The following SMOC2 variants were observed in gnomAD, a reference collection of about 807,000 sequenced individuals.
SMOC2 encodes the protein SPARC related modular calcium binding 2, also known as SPARC-related modular calcium-binding protein 2.
A neutral mutation model predicts 61.4 loss-of-function variants in SMOC2; 39 were observed. The observed-to-expected ratio is 0.64, with a 90% CI of 0.49 to 0.83. The LOEUF is 0.83. SMOC2 is among the 40% of genes least tolerant of loss of function. The probability of loss-of-function intolerance (pLI) is 0.00; values close to 1 mark genes in which losing one functional copy is unlikely to be tolerated. For synonymous variants in SMOC2, 247 were observed against 239.9 expected (o/e 1.03, Z -0.27); for missense variants, 556 against 592.9 (o/e 0.94, Z 0.65).
intron 1 of SMOC2, among the ~76,000 whole-genome samples, chr6:168,474,777 G>T (rs1201729065): frequency 1.3e-5 from 2 of 152,106 alleles, no homozygotes; most frequent in African/African-American, 4.8e-5. Context: ...AGTTATTGCT[G>T]CTGATGTTCT....
At chr6:168,444,769 A>G (rs1024081467) in intron 1 of SMOC2, among the ~76,000 whole-genome samples, 1 of 152,200 alleles carries the variant, frequency 6.6e-6, no homozygotes, top group Non-Finnish European at 1.5e-5. Context: ...CAAAGAGCAA[A>G]CAGGCGTGAT....
At chr6:168,562,821 T>C (rs947811547) in intron 7 of SMOC2, among the ~76,000 whole-genome samples, 2 of 152,168 alleles carry the variant, frequency 1.3e-5, no homozygotes, top group African/African-American at 4.8e-5. Flanking sequence ...TTCCCGGTGA[T>C]CACGCAGGGA....
intron 4 of SMOC2, among the ~76,000 whole-genome samples, chr6:168,542,877 T>A (rs1783903203): frequency 6.6e-6 from 1 of 152,102 alleles, no homozygotes; most frequent in Admixed American, 6.6e-5. Context: ...CAAAAACAAA[T>A]AATTTCAAGT....
intron 2 of SMOC2, among the ~76,000 whole-genome samples, 168 bp from the exon 3 acceptor site, chr6:168,526,178 T>C (rs1009569289): frequency 1.3e-5 from 2 of 152,256 alleles, no homozygotes; most frequent in African/African-American, 4.8e-5. Context: ...CCTGCCCTTC[T>C]TCTGAGGCTC....
At position 168,553,317 on chromosome 6, in the gene SMOC2, C is replaced by T. The variant is rs2115112295; in HGVS notation, c.637+4114C>T. On this transcript the variant is annotated intron_variant, in intron 7 of 12. Coordinates refer to ENST00000356284, the MANE Select transcript of SMOC2 (RefSeq NM_001166412.2). The surrounding 1 kb of genome is among the most constrained non-coding windows in gnomAD (Gnocchi z 4.2). ...ATATAAAATTGTGTTACTTCTTTTA[C>T]TGTCTCAAATCATCTTTGTTTTATT... is the stretch of plus-strand genomic sequence containing the variant. Among the ~76,000 whole-genome samples the T allele has an allele frequency of 6.6e-6, 1 of 152,306 alleles. No individual in the cohort carries two copies. The highest frequency in any genetic ancestry group is 2.1e-4 in the South Asian group (1 of 4,826).
chr6:168,615,255 C>T (rs570609828), intron 9 of SMOC2, among the ~76,000 whole-genome samples: 3 of 94,360 alleles, frequency 3.2e-5, no homozygotes, highest in East Asian at 7.4e-4. Context: ...ACAGCCAGCA[C>T]GGGGCCTTTT....
At position 168,547,175 on chromosome 6, in the gene SMOC2, C is replaced by A. The variant is rs1784023367; in HGVS notation, c.562+6C>A. The stretch of plus-strand genomic sequence containing the variant: ...GCCTCAAGGAGATGAAGAAGGTGAG[C>A]CGGGGTGGGGATTGCACAGTCTGGG... On this transcript the variant is annotated splice_donor_region_variant and intron_variant, in intron 6 of 12. Transcript: ENST00000356284. 1.9e-6 allele frequency: 3 copies of A among 1,613,578 alleles called. No homozygotes were observed. In the African/African-American group the frequency reaches 4.0e-5, roughly 22 times the overall value.
chr6:168,454,154 G>A lies in SMOC2; in HGVS notation c.84+12700G>A, dbSNP rs75108952. Among the ~76,000 whole-genome samples the A allele has an allele frequency of 2.5e-3, 378 of 152,142 alleles. 4 individuals are homozygous for A. Among genetic ancestry groups the A allele is most frequent in the African/African-American group, 8.9e-3 (371 of 41,496 alleles). ...CTCCACCCAGTCCATGATGCCTGCA[G>A]GGGGTCACTCTGTGTCCTCCTGTGA... On this transcript the variant is annotated intron_variant, in intron 1 of 12. Coordinates refer to ENST00000356284, the MANE Select transcript of SMOC2 (RefSeq NM_001166412.2).
intron 9 of SMOC2, among the ~76,000 whole-genome samples, chr6:168,608,689 T>A (rs1260885352): frequency 5.3e-5 from 8 of 152,198 alleles, no homozygotes; most frequent in African/African-American, 1.9e-4. Flanking sequence ...ATGTATTGAG[T>A]TTAATTACAA....
rs780986307 is a variant in SMOC2, at chr6:168,641,877, A to G, written c.908-8804A>G. ...TTCATCAAAGCACTATCTAAAGCCT[A>G]TGGACCTCTTTGTCTAGAATAATGA... On this transcript the variant is annotated intron_variant, in intron 9 of 12. Transcript: ENST00000356284. Among the ~76,000 whole-genome samples, 50 of 152,248 alleles carry G rather than the reference A, an allele frequency of 3.3e-4. 1 individual carries two copies. Among genetic ancestry groups the G allele is most frequent in the Admixed American group, 5.2e-4 (8 of 15,282 alleles).
intron 9 of SMOC2, among the ~76,000 whole-genome samples, chr6:168,628,741 C>G (rs775660096): frequency 6.6e-6 from 1 of 152,258 alleles, no homozygotes; most frequent in Non-Finnish European, 1.5e-5. Context: ...GTGCTGAAGG[C>G]ACTACCTGCT....
At chr6:168,540,365 A>T (rs1231581298) in intron 4 of SMOC2, among the ~76,000 whole-genome samples, 6 of 152,238 alleles carry the variant, frequency 3.9e-5, no homozygotes, top group Non-Finnish European at 8.8e-5. Context: ...CTGCGTGTCC[A>T]GCAGAGCACG....
Position 168,553,846 on chromosome 6 carries a change from G to A in SMOC2, c.637+4643G>A, listed in dbSNP as rs1784183407. ...AATAATGGGAAGATGGAGAACATGT[G>A]GAAGGCCAGCTGTCTCACATTTTGG... On this transcript the variant is annotated intron_variant, in intron 7 of 12. Coordinates refer to ENST00000356284, the MANE Select transcript of SMOC2 (RefSeq NM_001166412.2). The surrounding 1 kb of genome is among the most constrained non-coding windows in gnomAD (Gnocchi z 4.2). Among the ~76,000 whole-genome samples, 1 of 152,194 alleles carries A rather than the reference G, an allele frequency of 6.6e-6. No individual in the cohort carries two copies.
At chr6:168,480,390 T>G (rs913543578) in intron 1 of SMOC2, among the ~76,000 whole-genome samples, 1 of 151,616 alleles carries the variant, frequency 6.6e-6, no homozygotes, top group African/African-American at 2.4e-5. Flanking sequence ...AAATAATATA[T>G]GAACAAAATG....
At chr6:168,640,503 G>C (rs1433142485) in intron 9 of SMOC2, among the ~76,000 whole-genome samples, 1 of 152,172 alleles carries the variant, frequency 6.6e-6, no homozygotes, top group Non-Finnish European at 1.5e-5. Flanking sequence ...CCCTTGAGGA[G>C]ACAATGCAAC....
At chr6:168,644,509 A>G (rs114808970) in intron 9 of SMOC2, among the ~76,000 whole-genome samples, 1,662 of 152,254 alleles carry the variant, frequency 0.011, 38 homozygotes, top group African/African-American at 0.038. Context: ...TGTGCACACA[A>G]TGGAACCTTC....
intron 9 of SMOC2, among the ~76,000 whole-genome samples, chr6:168,626,084 A>G (rs982704666): frequency 1.3e-5 from 2 of 152,202 alleles, no homozygotes; most frequent in South Asian, 2.1e-4. Context: ...AAATTATTCA[A>G]GTAGCCCCCA....
chr6:168,655,391 G>C (rs1175440353), intron 11 of SMOC2: 1 of 456,532 alleles, frequency 2.2e-6, no homozygotes. Context: ...ACCCAACCGT[G>C]ACAGGAAGTA....
intron 2 of SMOC2, among the ~76,000 whole-genome samples, chr6:168,515,495 C>G (rs1451872995): frequency 6.6e-6 from 1 of 152,214 alleles, no homozygotes; most frequent in East Asian, 1.9e-4. Context: ...CTGTTCCCTG[C>G]TGGGGGCTGC....
Sources: gnomAD v4.1 joint callset for allele counts (sites outside exome capture counted in the v4.1 genomes callset) on GRCh38, gnomAD v4.1.1 for gene constraint, Gnocchi (gnomAD v3.1) non-coding constraint, MANE v1.5 for transcripts, NCBI Gene and HGNC (gene_info 2026-07-23, HGNC 2026-07-21) for gene names.